Variants in DLG4 observed in about 807,000 individuals in gnomAD.
DLG4 encodes discs large MAGUK scaffold protein 4.
In DLG4, 7 loss-of-function variants were observed where a neutral mutation model predicts 93.8. That is an observed-to-expected ratio of 0.07 (90% CI 0.04 to 0.14). DLG4 has a LOEUF of 0.14. Among genes scored for constraint, DLG4 ranks in the 10% least tolerant of loss-of-function variants. The pLI is 1.00. For missense variants in DLG4, 545 were observed against 992.9 expected (o/e 0.55, Z 6.06); for synonymous variants, 341 against 387.6 (o/e 0.88, Z 1.41).
In DLG4 at chr17:7,196,638, G is replaced by T; in HGVS notation, c.1084-63C>A. On this transcript the variant is annotated intron_variant, in intron 9 of 19. Coordinates refer to ENST00000399506, the MANE Select transcript of DLG4 (RefSeq NM_001321075.3). This position sits in a 1 kb window ranked among gnomAD's most constrained non-coding sequence, Gnocchi z 8.3. The stretch of plus-strand genomic sequence containing the variant: ...GAGGCAGCACTTCTGGGTCCAGGTG[G>T]AGCAGGGAGTGGTCCCGCAAGAGGA... 6.2e-7 allele frequency: 1 copy of T among 1,601,988 alleles called. No individual in the cohort carries two copies. The highest frequency in any genetic ancestry group is 8.5e-7 in the Non-Finnish European group (1 of 1,171,712).
chr17:7,218,887 G>C (rs766646316), upstream of DLG4: 1 of 1,611,176 alleles, frequency 6.2e-7, no homozygotes, highest in African/African-American at 1.3e-5. Flanking sequence ...TAATCCTCCA[G>C]GATTGGAGTT....
At position 7,204,241 on chromosome 17, in the gene DLG4, G is replaced by C. The variant is rs149878479; in HGVS notation, c.108C>G (p.Pro36=). ...GGGTATCTGTGTTGACAATCACTGG[G>C]GGAGAATTGGCCTGTTTGGGAAAAC... is the stretch of plus-strand genomic sequence containing the variant. The part of the protein sequence containing the change: ...PAHLPNQANS[P]PVIVNTDTLE... Residue 36 remains proline, a synonymous_variant, in exon 3 of 20, where the codon CCC becomes CCG. Transcript: ENST00000399506. The C allele has an allele frequency of 1.3e-6, 2 of 1,595,322 alleles. No individual in the cohort carries two copies. The highest frequency in any genetic ancestry group is 2.7e-5 in the African/African-American group (2 of 74,200).
intron 2 of DLG4, 77 bp from the exon 3 acceptor site, chr17:7,204,329 G>T: frequency 7.1e-7 from 1 of 1,413,138 alleles, no homozygotes; most frequent in Non-Finnish European, 9.5e-7. Context: ...GGTCCCATCA[G>T]CGTGGCTACC....
At position 7,203,414 on chromosome 17, in the gene DLG4, G is replaced by T. The variant is rs2070268793; in HGVS notation, c.505+10C>A. 2 of 1,599,082 alleles carry T rather than the reference G, an allele frequency of 1.3e-6. No individual in the cohort carries two copies. The highest frequency in any genetic ancestry group is 1.7e-4 in the Middle Eastern group (1 of 6,020). Reference sequence around the variant, plus strand: ...GTTGGGATGGGGGTGGGAACAAAATGAGTTACTACCTTTAGGCCCCTTGAT... The same window carrying T: ...GTTGGGATGGGGGTGGGAACAAAATTAGTTACTACCTTTAGGCCCCTTGAT... On this transcript the variant is annotated intron_variant, in intron 6 of 19. Transcript: ENST00000399506. This position sits in a 1 kb window ranked among gnomAD's most constrained non-coding sequence, Gnocchi z 7.2.
chr17:7,213,943 T>A (rs1202185872), intron 1 of DLG4: 2 of 448,290 alleles, frequency 4.5e-6, no homozygotes, highest in East Asian at 7.2e-5. Flanking sequence ...GGACTCAAAT[T>A]TCCTTCTAGA....
At chr17:7,215,299 A>C (rs1346217476) in intron 1 of DLG4, among the ~76,000 whole-genome samples, 1 of 152,194 alleles carries the variant, frequency 6.6e-6, no homozygotes, top group African/African-American at 2.4e-5. Context: ...AGGGATGCTC[A>C]ACCCTGGGCT....
chr17:7,199,634 G>C (rs2070007730), intron 8 of DLG4, among the ~76,000 whole-genome samples: 1 of 151,972 alleles, frequency 6.6e-6, no homozygotes, highest in Non-Finnish European at 1.5e-5. Context: ...TACCTTCCTT[G>C]CTCTCTAGTA....
rs1418977366 is a variant in DLG4 at position 7,187,305 on chromosome 17, CGAG to C, written c.*3400_*3402del. On this transcript the variant is annotated 3_prime_UTR_variant, in exon 20 of 20. Coordinates refer to ENST00000399506, the MANE Select transcript of DLG4 (RefSeq NM_001321075.3). ...CTGTAATCCTAGCACTTTGGGAGGC[CGAG>C]GGGGGGGGGGGTGGATCACCCGAGG... 3.5e-5 allele frequency among the ~76,000 whole-genome samples: 1 copy of C among 28,800 alleles called. No homozygotes were observed. Among genetic ancestry groups the C allele is most frequent in the Non-Finnish European group, 1.3e-4 (1 of 7,752 alleles). 18.9% of individuals were successfully genotyped at this position (28,800 alleles called of 152,430 possible).
At chr17:7,197,122 G>T (rs1244130197) in intron 8 of DLG4, 70 bp from the exon 9 acceptor site, 2 of 1,472,312 alleles carry the variant, frequency 1.4e-6, no homozygotes. Flanking sequence ...CTTCTCCCCA[G>T]GGTGCCAGAA....
chr17:7,211,799 CCG>C (rs1178992449), intron 1 of DLG4: 1 of 58,748 alleles, frequency 1.7e-5, no homozygotes, highest in Non-Finnish European at 3.1e-5. Context: ...GCTGCGGCGG[CCG>C]CGGCAACTGG....
In DLG4 at chr17:7,193,408, A is replaced by T; in HGVS notation, c.1693+75T>A. 1 of 1,397,710 alleles carries T rather than the reference A, an allele frequency of 7.2e-7. No individual in the cohort carries two copies. The highest frequency in any genetic ancestry group is 2.7e-5 in the Admixed American group (1 of 37,346). 86.6% of individuals were successfully genotyped at this position (1,397,710 alleles called of 1,614,324 possible). ...ACCGATCCCCCAGGAGGCTCTGCCT[A>T]TGGCCCCAGGGATGGGCCTCCCCTG... is the stretch of plus-strand genomic sequence containing the variant. On this transcript the variant is annotated intron_variant, in intron 16 of 19. Transcript: ENST00000399506. The surrounding 1 kb of genome is among the most constrained non-coding windows in gnomAD (Gnocchi z 6.7).
Position 7,194,068 on chromosome 17 carries a change from C to G in DLG4, c.1479-68G>C, listed in dbSNP as rs372671064. 6.3e-7 allele frequency: 1 copy of G among 1,575,422 alleles called. No individual in the cohort carries two copies. Among genetic ancestry groups the G allele is most frequent in the Non-Finnish European group, 8.6e-7 (1 of 1,159,038 alleles). On this transcript the variant is annotated intron_variant, in intron 12 of 19. Transcript: ENST00000399506. The surrounding 1 kb of genome is among the most constrained non-coding windows in gnomAD (Gnocchi z 4.4). ...CCCCCTGCCACCCCCATGCTCTGAG[C>G]CAGCTGACAACCCCTTCTCCATACT...
Position 7,204,079 on chromosome 17 carries a change from A to G in DLG4, c.151-12T>C. On this transcript the variant is annotated splice_polypyrimidine_tract_variant and intron_variant, in intron 3 of 19. Coordinates refer to ENST00000399506, the MANE Select transcript of DLG4 (RefSeq NM_001321075.3). ...TTCACCTGCAACTCCAGCACGGGAC[A>G]GAAACACAAAAGCAGTGAGACAGAC... 2 of 1,606,952 alleles carry G rather than the reference A, an allele frequency of 1.2e-6. No homozygotes were observed. Among genetic ancestry groups the G allele is most frequent in the South Asian group, 1.1e-5 (1 of 89,674 alleles).
upstream of DLG4, chr17:7,217,836 A>C: frequency 6.5e-7 from 1 of 1,533,016 alleles, no homozygotes; most frequent in Non-Finnish European, 8.7e-7. Context: ...TTCATTTCTT[A>C]GAGAAGGAAG....
intron 1 of DLG4, among the ~76,000 whole-genome samples, chr17:7,212,149 G>A (rs1185191758): frequency 6.6e-6 from 1 of 151,220 alleles, no homozygotes; most frequent in Non-Finnish European, 1.5e-5. Flanking sequence ...GAAACAAACA[G>A]CACTTCTCTC....
upstream of DLG4, chr17:7,218,880 T>C (rs758740503): frequency 1.9e-6 from 3 of 1,612,662 alleles, no homozygotes; most frequent in Non-Finnish European, 2.5e-6. Context: ...ATCTCCCTAA[T>C]CCTCCAGGAT....
chr17:7,205,007 C>T, intron 2 of DLG4: 1 of 985,392 alleles, frequency 1.0e-6, no homozygotes, highest in Non-Finnish European at 1.2e-6. Flanking sequence ...GCCGACCAAA[C>T]TCCTGAGCGC....
chr17:7,201,678 C>T (rs1294260841), intron 8 of DLG4, among the ~76,000 whole-genome samples: 3 of 152,052 alleles, frequency 2.0e-5, no homozygotes, highest in East Asian at 3.9e-4. Flanking sequence ...GTCAGGCATT[C>T]GAGACCAGCC....
At chr17:7,217,034 G>T in intron 1 of DLG4, 84 bp downstream of exon 1, 1 of 1,192,810 alleles carries the variant, frequency 8.4e-7, no homozygotes, top group Non-Finnish European at 1.1e-6. Flanking sequence ...CACTCCAGGG[G>T]CGCCAGTCCC....
Sources: allele counts gnomAD v4.1 joint callset (sites outside exome capture counted in the v4.1 genomes callset), GRCh38; gene constraint gnomAD v4.1.1; non-coding constraint Gnocchi (gnomAD v3.1); transcripts MANE v1.5; gene names NCBI Gene and HGNC (gene_info 2026-07-23, HGNC 2026-07-21).